The following SYNE2 variants were observed in gnomAD, a reference collection of about 807,000 sequenced individuals.
SYNE2 encodes spectrin repeat containing nuclear envelope protein 2.
A neutral mutation model predicts 856.3 loss-of-function variants in SYNE2; 431 were observed. The observed-to-expected ratio is 0.50, with a 90% confidence interval of 0.47 to 0.55. SYNE2 has a LOEUF of 0.55. SYNE2 is among the 20% of genes least tolerant of loss of function. The probability of loss-of-function intolerance (pLI) is 0.00; values close to 1 mark genes in which losing one functional copy is unlikely to be tolerated. For missense variants in SYNE2, 8,129 were observed against 8,023.2 expected (o/e 1.01, Z -0.50); for synonymous variants, 2,923 against 2,872.3 (o/e 1.02, Z -0.56).
At chr14:64,199,699 T>G (rs1040777120) in intron 99 of SYNE2, among the ~76,000 whole-genome samples, 1 of 118,982 alleles carries the variant, frequency 8.4e-6, no homozygotes, top group Middle Eastern at 8.5e-3. Context: ...GCGTAGGCGA[T>G]AGAGACTCTG....
intron 1 of SYNE2, among the ~76,000 whole-genome samples, chr14:63,797,446 T>G (rs1480946623): frequency 1.3e-5 from 2 of 152,170 alleles, no homozygotes; most frequent in Non-Finnish European, 2.9e-5. Flanking sequence ...CTTAACCATT[T>G]GATGTTGACA....
chr14:63,897,333 G>A (rs533472888), intron 1 of SYNE2, among the ~76,000 whole-genome samples: 1 of 152,070 alleles, frequency 6.6e-6, no homozygotes, highest in Non-Finnish European at 1.5e-5. Flanking sequence ...GTGCTGGCTC[G>A]TTTCCCCACC....
At chr14:63,885,516 A>G (rs987015277) in intron 1 of SYNE2, among the ~76,000 whole-genome samples, 2 of 151,936 alleles carry the variant, frequency 1.3e-5, no homozygotes, top group African/African-American at 4.8e-5. Context: ...GTTTTTTCCA[A>G]TTTTCTATTG....
chr14:64,166,848 G>A (rs1477722490), intron 90 of SYNE2: 7 of 255,950 alleles, frequency 2.7e-5, no homozygotes, highest in South Asian at 8.5e-5. Context: ...CAGGAGAATC[G>A]TTTGAACCCA....
chr14:63,974,882 G>A (rs868536279), intron 11 of SYNE2, among the ~76,000 whole-genome samples: 1,022 of 26,144 alleles, frequency 0.039, 5 homozygotes, highest in Middle Eastern at 0.15. Context: ...GTGTGTGTGT[G>A]TGTGTGTGTG....
At chr14:63,895,812 AT>A (rs1444470727) in intron 1 of SYNE2, among the ~76,000 whole-genome samples, 2 of 150,058 alleles carry the variant, frequency 1.3e-5, no homozygotes, top group African/African-American at 4.9e-5. Context: ...AAAAATTTAC[AT>A]TTTTGTAATT....
At chr14:63,835,194 T>C (rs79626425) in intron 1 of SYNE2, among the ~76,000 whole-genome samples, 9,141 of 152,218 alleles carry the variant, frequency 0.06, 299 homozygotes, top group Middle Eastern at 0.099. Context: ...TACAGGATTT[T>C]ATAAAAAGTT....
rs373942534 is a variant in SYNE2 at position 64,070,773 on chromosome 14, C to G, written c.10560C>G (p.Asn3520Lys). ...LLDCLCQYGENVEKQQLLLTL... is the reference protein window; with the variant it reads ...LLDCLCQYGEKVEKQQLLLTL... ...ACTGTTTATGCCAATATGGAGAGAA[C>G]GTGGAGAAGCAACAGCTGTTACTGA... Residue 3520 changes from asparagine to lysine, a missense_variant, in exon 52 of 116, where the codon AAC becomes AAG. Physicochemically the swap from Asn to Lys is moderately conservative, Grantham distance 94. Transcript: ENST00000555002. 6.2e-7 allele frequency: 1 copy of G among 1,614,190 alleles called. No homozygotes were observed. The highest frequency in any genetic ancestry group is 8.5e-7 in the Non-Finnish European group (1 of 1,180,024).
intron 6 of SYNE2, among the ~76,000 whole-genome samples, chr14:63,948,534 C>T (rs891621683): frequency 1.3e-4 from 20 of 151,096 alleles, no homozygotes; most frequent in East Asian, 5.9e-4. Flanking sequence ...TGGTGGCGTG[C>T]GCCTGTAATC....
intron 95 of SYNE2, among the ~76,000 whole-genome samples, chr14:64,176,949 C>T (rs1002399911): frequency 2.0e-5 from 3 of 152,056 alleles, no homozygotes; most frequent in African/African-American, 7.2e-5. Context: ...AGGCACATAC[C>T]ACCACACCCA....
chr14:64,191,105 T>C (rs1293260300), intron 99 of SYNE2: 2 of 640,716 alleles, frequency 3.1e-6, no homozygotes, highest in South Asian at 1.9e-5. Context: ...GAATAAAGAA[T>C]TGGGAGGTGA....
intron 1 of SYNE2, among the ~76,000 whole-genome samples, chr14:63,869,895 T>C (rs1197140398): frequency 6.6e-6 from 1 of 152,154 alleles, no homozygotes; most frequent in Non-Finnish European, 1.5e-5. Flanking sequence ...ATGAACATTG[T>C]CTTTGGCACC....
Position 64,160,990 on chromosome 14 carries a change from G to T in SYNE2, c.16095-1082G>T, listed in dbSNP as rs549265594. Among the ~76,000 whole-genome samples, 232 of 152,200 alleles carry T rather than the reference G, an allele frequency of 1.5e-3. 1 individual carries two copies. The highest frequency in any genetic ancestry group is 5.3e-3 in the African/African-American group (221 of 41,554). On this transcript the variant is annotated intron_variant, in intron 87 of 115. Transcript: ENST00000555002. ...AAAAAACCCACAGACCATTTGTACA[G>T]CCACTTAAAATGAGGTTTACTTATT... is the stretch of plus-strand genomic sequence containing the variant.
intron 108 of SYNE2, among the ~76,000 whole-genome samples, chr14:64,216,827 T>C (rs2098668715): frequency 6.6e-6 from 1 of 152,292 alleles, no homozygotes; most frequent in South Asian, 2.1e-4. Context: ...TGGGTTCAAG[T>C]GATTTTCCTG....
At chr14:64,009,835 A>G (rs1301225533) in intron 31 of SYNE2, 131 bp from the exon 32 acceptor site, 6 of 755,980 alleles carry the variant, frequency 7.9e-6, no homozygotes, top group African/African-American at 1.8e-5. Context: ...ATTGGTAAAA[A>G]GTATTAAGAA....
intron 61 of SYNE2, among the ~76,000 whole-genome samples, chr14:64,096,345 C>T (rs2097677005): frequency 6.6e-6 from 1 of 152,212 alleles, no homozygotes; most frequent in African/African-American, 2.4e-5. Flanking sequence ...CCATTGCTTT[C>T]ATGCCATCAG....
chr14:63,965,442 C>A (rs2096378040), intron 10 of SYNE2, among the ~76,000 whole-genome samples: 1 of 152,034 alleles, frequency 6.6e-6, no homozygotes, highest in Admixed American at 6.6e-5. Context: ...GCTTTAAAGC[C>A]CAGCTGTTTT....
intron 64 of SYNE2, 67 bp downstream of exon 64, chr14:64,102,109 C>A: frequency 8.8e-7 from 1 of 1,141,002 alleles, no homozygotes; most frequent in Non-Finnish European, 1.3e-6. Context: ...GGATCTCTTT[C>A]TGCACGACTT....
chr14:64,067,489 T>C (rs1420486637), intron 51 of SYNE2, among the ~76,000 whole-genome samples: 3 of 152,204 alleles, frequency 2.0e-5, no homozygotes, highest in Admixed American at 2.0e-4. Flanking sequence ...GTAGCTTTTA[T>C]CCATTCAATA....
Sources: gnomAD v4.1 joint callset for allele counts (sites outside exome capture counted in the v4.1 genomes callset) on GRCh38, gnomAD v4.1.1 for gene constraint, MANE v1.5 for transcripts, NCBI Gene and HGNC (gene_info 2026-07-23, HGNC 2026-07-21) for gene names.